The following LRP1B variants were observed in gnomAD, a reference collection of about 807,000 sequenced individuals.
LRP1B encodes low-density lipoprotein receptor-related protein 1B.
LRP1B carries 217 observed loss-of-function variants against 556.6 expected under a neutral mutation model. That is an observed-to-expected ratio of 0.39 (90% CI 0.35 to 0.44). The LOEUF (loss-of-function observed/expected upper bound fraction) is 0.44. Ranked by LOEUF, LRP1B falls within the 20% of genes least tolerant of loss-of-function variation. The probability of loss-of-function intolerance (pLI) is 1.00; values close to 1 mark genes in which losing one functional copy is unlikely to be tolerated. For missense variants in LRP1B, 5,053 were observed against 5,620.8 expected (o/e 0.90, Z 3.23); for synonymous variants, 2,047 against 1,865.8 (o/e 1.10, Z -2.50).
At chr2:141,942,599 A>T (rs1454245465) in intron 1 of LRP1B, among the ~76,000 whole-genome samples, 1 of 152,202 alleles carries the variant, frequency 6.6e-6, no homozygotes, top group African/African-American at 2.4e-5. Context: ...GGAACCTGAA[A>T]CTGCAATTCC....
chr2:141,333,047 A>G (rs564908885), intron 3 of LRP1B, among the ~76,000 whole-genome samples: 1 of 152,238 alleles, frequency 6.6e-6, no homozygotes, highest in South Asian at 2.1e-4. Context: ...CAAAGTCAAC[A>G]AAAGCCCACA....
At chr2:141,553,357 A>G (rs1685824486) in intron 2 of LRP1B, among the ~76,000 whole-genome samples, 1 of 151,914 alleles carries the variant, frequency 6.6e-6, no homozygotes, top group South Asian at 2.1e-4. Flanking sequence ...ATCAGTATCA[A>G]AGGCAAGAGG....
chr2:141,042,484 C>T (rs887847141), intron 11 of LRP1B, among the ~76,000 whole-genome samples: 2 of 152,106 alleles, frequency 1.3e-5, no homozygotes, highest in Non-Finnish European at 2.9e-5. Context: ...AGTTTCATGT[C>T]TCCTGCCAGC....
rs139533330 is a variant in LRP1B at position 141,380,358 on chromosome 2, G to A, written c.343+100038C>T. Among the ~76,000 whole-genome samples the A allele has an allele frequency of 3.8e-3, 579 of 152,308 alleles. 3 individuals are homozygous for A. The highest frequency in any genetic ancestry group is 0.013 in the African/African-American group (541 of 41,568). ...CTTGTGCCTGAGAGTTAATGGACCA[G>A]ACAGTCGCTACCCAACTAATAGTCT... On this transcript the variant is annotated intron_variant, in intron 3 of 90. Coordinates refer to ENST00000389484, the MANE Select transcript of LRP1B (RefSeq NM_018557.3).
At chr2:141,277,882 CA>C (rs1685363900) in intron 3 of LRP1B, among the ~76,000 whole-genome samples, 1 of 151,484 alleles carries the variant, frequency 6.6e-6, no homozygotes, top group Admixed American at 6.6e-5. Flanking sequence ...TGTATTTGCA[CA>C]TTGGAAAGGC....
At chr2:141,452,136 T>G (rs2105024598) in intron 3 of LRP1B, among the ~76,000 whole-genome samples, 1 of 152,212 alleles carries the variant, frequency 6.6e-6, no homozygotes, top group East Asian at 1.9e-4. Context: ...TTGGAGTTTG[T>G]GAGATAACTG....
At chr2:140,950,600 C>G (rs568798707) in intron 19 of LRP1B, among the ~76,000 whole-genome samples, 198 bp from the exon 20 acceptor site, 66 of 152,174 alleles carry the variant, frequency 4.3e-4, no homozygotes, top group Admixed American at 1.0e-3. Context: ...TACTCCCACT[C>G]CAGCCTCCCA....
At chr2:141,683,991 T>C (rs1691198753) in intron 2 of LRP1B, among the ~76,000 whole-genome samples, 3 of 151,980 alleles carry the variant, frequency 2.0e-5, no homozygotes, top group South Asian at 4.1e-4. Flanking sequence ...ACATGGTTGG[T>C]GGTAGTGTAA....
At chr2:140,370,956 T>A in intron 70 of LRP1B, 114 bp from the exon 71 acceptor site, 1 of 1,157,686 alleles carries the variant, frequency 8.6e-7, no homozygotes. Context: ...GGGCTTTCTT[T>A]CATTTTGTCT....
At chr2:141,435,656 G>A (rs1680736970) in intron 3 of LRP1B, among the ~76,000 whole-genome samples, 2 of 152,184 alleles carry the variant, frequency 1.3e-5, no homozygotes, top group African/African-American at 4.8e-5. Flanking sequence ...GTGCACACTG[G>A]ATACAGGGTG....
At chr2:140,987,283 G>A (rs1696954971) in intron 17 of LRP1B, among the ~76,000 whole-genome samples, 1 of 152,076 alleles carries the variant, frequency 6.6e-6, no homozygotes, top group South Asian at 2.1e-4. Flanking sequence ...TCATCTGGCA[G>A]CTCTTAAGGT....
At chr2:142,120,812 A>G (rs1178116056) in intron 1 of LRP1B, among the ~76,000 whole-genome samples, 2 of 152,152 alleles carry the variant, frequency 1.3e-5, no homozygotes, top group African/African-American at 4.8e-5. Context: ...CAGACATGGC[A>G]TAGGCAAACA....
chr2:141,877,212 A>G (rs1160269825), intron 1 of LRP1B, among the ~76,000 whole-genome samples: 1 of 151,904 alleles, frequency 6.6e-6, no homozygotes, highest in Non-Finnish European at 1.5e-5. Flanking sequence ...TTTTTCCTAT[A>G]AAGAATTTCC....
At chr2:141,525,445 G>A (rs1334016593) in intron 2 of LRP1B, among the ~76,000 whole-genome samples, 5 of 151,910 alleles carry the variant, frequency 3.3e-5, no homozygotes, top group Non-Finnish European at 4.4e-5. Context: ...TTTTGTAGAA[G>A]ATCTCATTAT....
chr2:141,536,453 C>A (rs1685071244), intron 2 of LRP1B, among the ~76,000 whole-genome samples: 1 of 151,946 alleles, frequency 6.6e-6, no homozygotes, highest in Non-Finnish European at 1.5e-5. Flanking sequence ...GAATGCTATA[C>A]CCATCCTAAT....
intron 66 of LRP1B, among the ~76,000 whole-genome samples, chr2:140,391,965 A>G (rs1684041666): frequency 6.6e-6 from 1 of 152,066 alleles, no homozygotes; most frequent in Middle Eastern, 3.2e-3. Flanking sequence ...GGCTGGAGTG[A>G]GACTGTCTGG....
intron 2 of LRP1B, among the ~76,000 whole-genome samples, chr2:141,580,392 C>T (rs557521648): frequency 6.6e-6 from 1 of 152,298 alleles, no homozygotes; most frequent in African/African-American, 2.4e-5. Flanking sequence ...TTTTAAGACA[C>T]ATACAAATAC....
intron 11 of LRP1B, among the ~76,000 whole-genome samples, chr2:141,020,735 G>A (rs549395212): frequency 6.6e-6 from 1 of 152,082 alleles, no homozygotes; most frequent in Non-Finnish European, 1.5e-5. Flanking sequence ...TGAGATACAG[G>A]CAGTGATAAT....
intron 2 of LRP1B, among the ~76,000 whole-genome samples, chr2:141,646,533 G>A (rs1689571479): frequency 2.0e-5 from 3 of 152,084 alleles, no homozygotes; most frequent in Non-Finnish European, 2.9e-5. Flanking sequence ...TACGTTGGGA[G>A]CATCTTCTAC....
Sources: allele counts gnomAD v4.1 joint callset (sites outside exome capture counted in the v4.1 genomes callset), GRCh38; gene constraint gnomAD v4.1.1; transcripts MANE v1.5; gene names NCBI Gene and HGNC (gene_info 2026-07-23, HGNC 2026-07-21).